The following OSBPL5 variants were observed in gnomAD, a reference collection of about 807,000 sequenced individuals.
OSBPL5 encodes oxysterol binding protein like 5, also known as oxysterol-binding protein-related protein 5.
OSBPL5 carries 71 observed loss-of-function variants against 111.2 expected under a neutral mutation model. The observed-to-expected ratio is 0.64, with a 90% CI of 0.53 to 0.78. The LOEUF (loss-of-function observed/expected upper bound fraction) is 0.78. Ranked by LOEUF, OSBPL5 falls within the 30% of genes least tolerant of loss-of-function variation. OSBPL5 has a pLI of 0.00. For missense variants in OSBPL5, 1,210 were observed against 1,189.3 expected (o/e 1.02, Z -0.26); for synonymous variants, 549 against 513.9 (o/e 1.07, Z -0.93).
At position 3,101,658 on chromosome 11, in the gene OSBPL5, G is replaced by C; in HGVS notation, c.1467C>G (p.Asn489Lys). Reference protein sequence around the residue: ...HPPVSAFHVSNRKDGFCISGS... With the variant: ...HPPVSAFHVSKRKDGFCISGS... ...CACTGATGCAGAAGCCGTCCTTCCG[G>C]TTGCTGACGTGGAAGGCAGACACGG... The change falls in exon 13 of 22, where the codon AAC (asparagine) becomes AAG (lysine). Residue 489 changes from asparagine (N) to lysine (K), a missense_variant. Coordinates refer to ENST00000263650, the MANE Select transcript of OSBPL5 (RefSeq NM_020896.4). The C allele has an allele frequency of 6.2e-7, 1 of 1,613,970 alleles. No individual in the cohort carries two copies. The highest frequency in any genetic ancestry group is 8.5e-7 in the Non-Finnish European group (1 of 1,180,006).
chr11:3,107,803 T>G lies in OSBPL5; in HGVS notation c.834A>C (p.Ser278=). The stretch of plus-strand genomic sequence containing the variant: ...GGTCTTGGTCTGGGTGGACGGTGGC[T>G]GAGGCTGGCAGCCCACAGAGCGATG... The part of the protein sequence containing the change: ...SPSSLCGLPA[S]ATVHPDQDLF... Residue 278 remains serine, a synonymous_variant, in exon 8 of 22, where the codon TCA becomes TCC. Coordinates refer to ENST00000263650, the MANE Select transcript of OSBPL5 (RefSeq NM_020896.4). The surrounding 1 kb of genome is among the most constrained non-coding windows in gnomAD (Gnocchi z 6.1). 6.2e-7 allele frequency: 1 copy of G among 1,612,584 alleles called. No individual in the cohort carries two copies. Among genetic ancestry groups the G allele is most frequent in the Non-Finnish European group, 8.5e-7 (1 of 1,179,948 alleles).
At chr11:3,133,985 G>GT (rs59480183) in intron 1 of OSBPL5, among the ~76,000 whole-genome samples, 12,826 of 152,022 alleles carry the variant, frequency 0.084, 1,812 homozygotes, top group African/African-American at 0.29. Flanking sequence ...GGCTTGGTGG[G>GT]GGGGGGGTCA....
In OSBPL5 at chr11:3,087,964, T is replaced by G; in HGVS notation, c.*241A>C. On this transcript the variant is annotated 3_prime_UTR_variant, in exon 22 of 22. Coordinates refer to ENST00000263650, the MANE Select transcript of OSBPL5 (RefSeq NM_020896.4). ...TGCGTCGCACAGCAGAAGCTGCATT[T>G]GGCTTTAGCATTAAGGCCAGCGCTG... The G allele has an allele frequency of 2.6e-6, 1 of 387,062 alleles. No individual in the cohort carries two copies. The highest frequency in any genetic ancestry group is 3.8e-5 in the East Asian group (1 of 25,980). 24.0% of individuals were successfully genotyped at this position (387,062 alleles called of 1,614,324 possible).
At chr11:3,122,139 C>T (rs1858440611) in intron 4 of OSBPL5, 41 bp from the exon 5 acceptor site, 2 of 1,522,790 alleles carry the variant, frequency 1.3e-6, no homozygotes, top group East Asian at 2.4e-5. Flanking sequence ...GGAGAAGGCA[C>T]CGAGCTGCCC....
Position 3,162,641 on chromosome 11 carries a change from C to T in OSBPL5, c.-22+2575G>A, listed in dbSNP as rs541176766. On this transcript the variant is annotated intron_variant, in intron 1 of 21. Coordinates refer to ENST00000263650, the MANE Select transcript of OSBPL5 (RefSeq NM_020896.4). The surrounding 1 kb of genome is among the most constrained non-coding windows in gnomAD (Gnocchi z 8.1). ...TTCACTATCTGCCCATACATCTCCACGGGAAAGGTTACCCAGCCGTGGCCA... is the reference window on the plus strand; with the variant it reads ...TTCACTATCTGCCCATACATCTCCATGGGAAAGGTTACCCAGCCGTGGCCA... Among the ~76,000 whole-genome samples the T allele has an allele frequency of 3.9e-5, 6 of 152,038 alleles. No homozygotes were observed. In the South Asian group the frequency reaches 6.2e-4, roughly 16 times the overall value.
At position 3,106,963 on chromosome 11, in the gene OSBPL5, G is replaced by A. The variant is rs1364294496; in HGVS notation, c.1059+300C>T. Among the ~76,000 whole-genome samples, 1 of 152,176 alleles carries A rather than the reference G, an allele frequency of 6.6e-6. No homozygotes were observed. The highest frequency in any genetic ancestry group is 2.4e-5 in the African/African-American group (1 of 41,430). ...GTCAAGGGCCCCTCTTGAGCCTCCTGTTCTCCCATCAGCGCATTCCAGCCC... is the reference window on the plus strand; with the variant it reads ...GTCAAGGGCCCCTCTTGAGCCTCCTATTCTCCCATCAGCGCATTCCAGCCC... On this transcript the variant is annotated intron_variant, in intron 9 of 21. Coordinates refer to ENST00000263650, the MANE Select transcript of OSBPL5 (RefSeq NM_020896.4). The surrounding 1 kb of genome is among the most constrained non-coding windows in gnomAD (Gnocchi z 8.4).
chr11:3,103,788 C>A (rs1361541972), intron 10 of OSBPL5, among the ~76,000 whole-genome samples: 1 of 61,282 alleles, frequency 1.6e-5, no homozygotes, highest in Non-Finnish European at 3.8e-5. Flanking sequence ...TCTGCAGTCC[C>A]TTCCTGCCTC....
At chr11:3,125,824 T>A (rs7115924) in intron 3 of OSBPL5, among the ~76,000 whole-genome samples, 19,086 of 64,348 alleles carry the variant, frequency 0.3, 1,286 homozygotes, top group Middle Eastern at 0.36. Flanking sequence ...AAAAAAAAAA[T>A]ACAAAAAATT....
intron 1 of OSBPL5, among the ~76,000 whole-genome samples, chr11:3,144,900 T>C (rs373453418): frequency 1.1e-4 from 16 of 152,302 alleles, no homozygotes; most frequent in African/African-American, 3.8e-4. Flanking sequence ...TTCAGTAACA[T>C]CTGTACAGAC....
chr11:3,120,989 G>A (rs997150085), intron 5 of OSBPL5, among the ~76,000 whole-genome samples: 1 of 151,892 alleles, frequency 6.6e-6, no homozygotes, highest in Non-Finnish European at 1.5e-5. Context: ...CGTGGGTCAA[G>A]TTCAAGGTCA....
chr11:3,136,192 G>A (rs967715224), intron 1 of OSBPL5, among the ~76,000 whole-genome samples: 1 of 152,228 alleles, frequency 6.6e-6, no homozygotes, highest in Non-Finnish European at 1.5e-5. Flanking sequence ...TGGGGCCCAG[G>A]CCCAATGGGG....
At chr11:3,103,918 C>CTGCAGCCCCTTCCAGCCTA (rs1564831026) in intron 10 of OSBPL5, among the ~76,000 whole-genome samples, 1 of 143,282 alleles carries the variant, frequency 7.0e-6, no homozygotes, top group African/African-American at 2.6e-5. Context: ...CTTCCTGCCT[C>CTGCAGCCCCTTCCAGCCTA]TGCAGCCCAT....
chr11:3,134,120 C>A lies in OSBPL5; in HGVS notation c.-21-4951G>T, dbSNP rs1046875997. ...CGGAAGCCACCACCTGACCCCAAGTCCAAGTCAGCCACAACCCTCTTCTGC... is the reference window on the plus strand; with the variant it reads ...CGGAAGCCACCACCTGACCCCAAGTACAAGTCAGCCACAACCCTCTTCTGC... On this transcript the variant is annotated intron_variant, in intron 1 of 21. Transcript: ENST00000263650. Among the ~76,000 whole-genome samples the A allele has an allele frequency of 2.6e-5, 4 of 152,310 alleles. 1 individual carries two copies. Among genetic ancestry groups the A allele is most frequent in the Middle Eastern group, 3.4e-3 (1 of 294 alleles).
chr11:3,129,030 A>G lies in OSBPL5; in HGVS notation c.119T>C (p.Leu40Pro). Residue 40 changes from leucine to proline, a missense_variant, in exon 2 of 22, where the codon CTC becomes CCC. By Grantham distance (98) the Leu-to-Pro change is moderately conservative (BLOSUM62 -3). Transcript: ENST00000263650. ...GCACTTACCTGGGCTGAGTGGGTAG[A>G]GCTCATTGTCTCCGCTGAGGAGCAA... is the stretch of plus-strand genomic sequence containing the variant. ...RNLLLSGDNE[L>P]YPLSPGKDME... The G allele has an allele frequency of 6.3e-7, 1 of 1,586,820 alleles. No individual in the cohort carries two copies. The highest frequency in any genetic ancestry group is 8.6e-7 in the Non-Finnish European group (1 of 1,167,516).
chr11:3,100,615 C>T (rs1383770343), intron 13 of OSBPL5, among the ~76,000 whole-genome samples: 1 of 152,150 alleles, frequency 6.6e-6, no homozygotes. Context: ...CGCTTGGGGC[C>T]ACGAGTCGCA....
chr11:3,119,635 G>C lies in OSBPL5; in HGVS notation c.607-4C>G, dbSNP rs1374480478. On this transcript the variant is annotated splice_region_variant and splice_polypyrimidine_tract_variant and intron_variant, in intron 6 of 21. Coordinates refer to ENST00000263650, the MANE Select transcript of OSBPL5 (RefSeq NM_020896.4). ...CCACGCTCTCACCTTTGGGGCCCTGGAGAGAGAGAGATCTGGGTGTCACCC... is the reference window on the plus strand; with the variant it reads ...CCACGCTCTCACCTTTGGGGCCCTGCAGAGAGAGAGATCTGGGTGTCACCC... 1 of 1,570,746 alleles carries C rather than the reference G, an allele frequency of 6.4e-7. No individual in the cohort carries two copies.
chr11:3,116,206 C>T (rs1012032073), intron 7 of OSBPL5, among the ~76,000 whole-genome samples: 2 of 152,084 alleles, frequency 1.3e-5, no homozygotes, highest in Non-Finnish European at 2.9e-5. Context: ...TTATAGGAAA[C>T]TCCTATAATT....
intron 1 of OSBPL5, among the ~76,000 whole-genome samples, chr11:3,160,125 T>G (rs1846910544): frequency 7.9e-5 from 12 of 151,842 alleles, no homozygotes; most frequent in Admixed American, 7.9e-4. Context: ...TTTTGCTAAA[T>G]TTGGGTGACT....
intron 20 of OSBPL5, among the ~76,000 whole-genome samples, chr11:3,090,304 G>A (rs1019740456): frequency 1.3e-5 from 2 of 152,176 alleles, no homozygotes; most frequent in South Asian, 4.1e-4. Flanking sequence ...CCCTCCCACC[G>A]CTGGGGAGCC....
Sources: gnomAD v4.1 joint callset for allele counts (sites outside exome capture counted in the v4.1 genomes callset) on GRCh38, gnomAD v4.1.1 for gene constraint, Gnocchi (gnomAD v3.1) non-coding constraint, MANE v1.5 for transcripts, NCBI Gene and HGNC (gene_info 2026-07-23, HGNC 2026-07-21) for gene names.